Variants in GPATCH2 observed in about 807,000 individuals in gnomAD.
GPATCH2 encodes the protein G-patch domain containing 2.
GPATCH2 carries 51 observed loss-of-function variants against 58.0 expected under a neutral mutation model. The ratio of observed to expected loss-of-function variants is 0.88; its 90% CI spans 0.70 to 1.11. The LOEUF (loss-of-function observed/expected upper bound fraction) is 1.11. Ranked by LOEUF, GPATCH2 falls within the 50% of genes most tolerant of loss-of-function variation. GPATCH2 has a pLI of 0.00. For synonymous variants in GPATCH2, 222 were observed against 218.5 expected, an observed-to-expected ratio of 1.02 and a Z score of -0.14; for missense variants, 625 against 652.2, an observed-to-expected ratio of 0.96 and a Z score of 0.45.
chr1:217,516,245 C>T (rs987391451), intron 5 of GPATCH2, among the ~76,000 whole-genome samples: 1 of 151,768 alleles, frequency 6.6e-6, no homozygotes, highest in Admixed American at 6.6e-5. Context: ...AAAAAACCCT[C>T]TGTAATTATA....
At chr1:217,568,167 G>C (rs1031522102) in intron 5 of GPATCH2, among the ~76,000 whole-genome samples, 13 of 151,992 alleles carry the variant, frequency 8.6e-5, no homozygotes, top group Admixed American at 2.0e-4. Flanking sequence ...ATTTATAACA[G>C]TATAAAAGTG....
intron 8 of GPATCH2, among the ~76,000 whole-genome samples, chr1:217,450,327 A>T (rs1243517051): frequency 6.6e-6 from 1 of 152,110 alleles, no homozygotes; most frequent in African/African-American, 2.4e-5. Flanking sequence ...GAACAAACAG[A>T]TTATTAGGAA....
intron 1 of GPATCH2, among the ~76,000 whole-genome samples, chr1:217,626,584 C>T (rs954084753): frequency 6.6e-6 from 1 of 152,124 alleles, no homozygotes; most frequent in Non-Finnish European, 1.5e-5. Context: ...TAACACCATA[C>T]GATCCCTAAG....
chr1:217,606,386 T>C (rs1668361340), intron 5 of GPATCH2, among the ~76,000 whole-genome samples: 1 of 151,840 alleles, frequency 6.6e-6, no homozygotes, highest in Admixed American at 6.6e-5. Context: ...AGTTCAAATA[T>C]AAAAGAGGTA....
chr1:217,510,871 T>C (rs947780768), intron 6 of GPATCH2, among the ~76,000 whole-genome samples: 75 of 152,058 alleles, frequency 4.9e-4, no homozygotes, highest in African/African-American at 1.8e-3. Flanking sequence ...GGCGGGCAAA[T>C]CACCTGCAGT....
chr1:217,499,032 G>C (rs1662158288), intron 6 of GPATCH2, among the ~76,000 whole-genome samples: 2 of 152,060 alleles, frequency 1.3e-5, no homozygotes, highest in Non-Finnish European at 2.9e-5. Flanking sequence ...CTGCCCCTGG[G>C]ACTCTTAATA....
intron 9 of GPATCH2, among the ~76,000 whole-genome samples, chr1:217,434,994 A>G (rs1658744145): frequency 6.6e-6 from 1 of 152,200 alleles, no homozygotes. Context: ...TCCTCATAGA[A>G]ACACAACCCA....
intron 2 of GPATCH2, among the ~76,000 whole-genome samples, chr1:217,616,907 T>C (rs1319181435): frequency 6.6e-6 from 1 of 152,178 alleles, no homozygotes; most frequent in African/African-American, 2.4e-5. Flanking sequence ...TCAGTCAACC[T>C]CCCATCGATT....
At chr1:217,573,208 A>T (rs1468715558) in intron 5 of GPATCH2, among the ~76,000 whole-genome samples, 6 of 152,152 alleles carry the variant, frequency 3.9e-5, no homozygotes, top group Non-Finnish European at 8.8e-5. Flanking sequence ...GTACCCTCCA[A>T]TGGCTCTTTG....
chr1:217,621,973 T>C (rs1669211633), intron 1 of GPATCH2, among the ~76,000 whole-genome samples: 1 of 152,236 alleles, frequency 6.6e-6, no homozygotes, highest in Non-Finnish European at 1.5e-5. Flanking sequence ...GAAAGATCTC[T>C]GTCACAATGT....
chr1:217,472,806 C>A (rs574621184), intron 8 of GPATCH2, among the ~76,000 whole-genome samples: 2 of 152,024 alleles, frequency 1.3e-5, no homozygotes, highest in African/African-American at 2.4e-5. Context: ...AATTGCAGAA[C>A]CGTTCTCCAC....
At chr1:217,524,126 C>T (rs1379506369) in intron 5 of GPATCH2, among the ~76,000 whole-genome samples, 1 of 151,118 alleles carries the variant, frequency 6.6e-6, no homozygotes, top group Non-Finnish European at 1.5e-5. Context: ...GGCAGAGACG[C>T]TCCTCACTTC....
intron 7 of GPATCH2, chr1:217,492,677 T>TA (rs886474842): frequency 6.6e-6 from 1 of 152,212 alleles, no homozygotes; most frequent in African/African-American, 2.4e-5. Context: ...TTAACTTCTC[T>TA]AAGCCTTGGT....
At chr1:217,505,359 G>A (rs1171999825) in intron 6 of GPATCH2, among the ~76,000 whole-genome samples, 1 of 151,966 alleles carries the variant, frequency 6.6e-6, no homozygotes, top group Non-Finnish European at 1.5e-5. Flanking sequence ...TAACCCTGTG[G>A]AGTAGAAATA....
chr1:217,554,360 G>A (rs1046693803), intron 5 of GPATCH2, among the ~76,000 whole-genome samples: 1 of 152,154 alleles, frequency 6.6e-6, no homozygotes, highest in Admixed American at 6.6e-5. Context: ...GAAAGTCACA[G>A]CAGCATGTAG....
rs1658387700 is a variant in GPATCH2 at position 217,427,803 on chromosome 1, T to C, written c.*3342A>G. ...GTTCAATTTACAAGAATGCCAATTCTCAATATTAAAATAAACATTAATAAA... is the reference window on the plus strand; with the variant it reads ...GTTCAATTTACAAGAATGCCAATTCCCAATATTAAAATAAACATTAATAAA... On this transcript the variant is annotated 3_prime_UTR_variant, in exon 10 of 10. Transcript: ENST00000366935. The C allele has an allele frequency of 6.6e-6, 1 of 152,150 alleles. No homozygotes were observed. The highest frequency in any genetic ancestry group is 2.4e-5 in the African/African-American group (1 of 41,452). The allele number at this position is 152,150 out of a possible 1,614,324, so 9.4% of individuals were successfully genotyped here. A position where few individuals can be genotyped will look rare whatever the true frequency, so the allele number is the denominator to read the frequency against.
chr1:217,464,447 A>T (rs112915218), intron 8 of GPATCH2, among the ~76,000 whole-genome samples: 3,704 of 152,306 alleles, frequency 0.024, 154 homozygotes, highest in African/African-American at 0.083. Flanking sequence ...ATGAACAAAG[A>T]TGCTAAACAT....
intron 9 of GPATCH2, among the ~76,000 whole-genome samples, chr1:217,437,896 A>G (rs1051217543): frequency 6.6e-6 from 1 of 152,196 alleles, no homozygotes; most frequent in Non-Finnish European, 1.5e-5. Flanking sequence ...AACGGAAAGA[A>G]TGCCTCCTCA....
intron 5 of GPATCH2, among the ~76,000 whole-genome samples, chr1:217,581,015 C>CAA (rs761336891): frequency 0.012 from 316 of 26,130 alleles, 42 homozygotes; most frequent in Non-Finnish European, 0.013. Flanking sequence ...GACTCCGTCT[C>CAA]AAAAAAAAAA....
Sources: allele counts gnomAD v4.1 joint callset (sites outside exome capture counted in the v4.1 genomes callset), GRCh38; gene constraint gnomAD v4.1.1; transcripts MANE v1.5; gene names NCBI Gene and HGNC (gene_info 2026-07-23, HGNC 2026-07-21).